Variants in FBXL13 observed in about 807,000 individuals in gnomAD.
FBXL13 encodes F-box and leucine rich repeat protein 13.
A neutral mutation model predicts 83.6 loss-of-function variants in FBXL13; 67 were observed. The ratio of observed to expected loss-of-function variants is 0.80; its 90% CI spans 0.66 to 0.98. The LOEUF (loss-of-function observed/expected upper bound fraction) is 0.98, where lower values mean the gene tolerates loss of function less well. FBXL13 is among the 50% of genes least tolerant of loss of function. The pLI is 0.00. For missense variants in FBXL13, 822 were observed against 866.5 expected (o/e 0.95, Z 0.64); for synonymous variants, 272 against 299.5 (o/e 0.91, Z 0.95).
chr7:102,888,302 G>C (rs959564664), intron 11 of FBXL13, among the ~76,000 whole-genome samples: 2 of 152,198 alleles, frequency 1.3e-5, no homozygotes, highest in Non-Finnish European at 2.9e-5. Context: ...ACTTTGGGAG[G>C]CCAAGGTGGG....
intron 6 of FBXL13, among the ~76,000 whole-genome samples, chr7:103,014,610 G>A (rs192651643): frequency 2.2e-3 from 338 of 152,190 alleles, no homozygotes; most frequent in African/African-American, 7.3e-3. Context: ...GAATATGGAT[G>A]CAAAAATCCT....
At chr7:103,073,714 A>C (rs1053430390) in intron 1 of FBXL13, among the ~76,000 whole-genome samples, 1 of 152,134 alleles carries the variant, frequency 6.6e-6, no homozygotes, top group African/African-American at 2.4e-5. Flanking sequence ...TAAAGGGTAC[A>C]TGTATTTAAC....
chr7:102,835,435 C>T (rs1801707675), intron 17 of FBXL13, among the ~76,000 whole-genome samples: 1 of 152,098 alleles, frequency 6.6e-6, no homozygotes, highest in South Asian at 2.1e-4. Flanking sequence ...CCTTGTACTG[C>T]CTGGAAATCT....
At chr7:102,833,394 C>G (rs1386304421) in intron 17 of FBXL13, among the ~76,000 whole-genome samples, 3 of 151,116 alleles carry the variant, frequency 2.0e-5, no homozygotes, top group African/African-American at 4.9e-5. Context: ...CATTTATTAC[C>G]TCTTAAATCT....
chr7:102,976,540 T>C (rs66712128), intron 6 of FBXL13, among the ~76,000 whole-genome samples: 30,062 of 152,070 alleles, frequency 0.2, 3,174 homozygotes, highest in African/African-American at 0.28. Context: ...CTTTCTTCTA[T>C]TCCAACCTCC....
intron 11 of FBXL13, among the ~76,000 whole-genome samples, chr7:102,889,899 C>T (rs1397895890): frequency 1.3e-5 from 2 of 150,868 alleles, no homozygotes; most frequent in African/African-American, 4.9e-5. Flanking sequence ...ATTTCCTGAA[C>T]AAGAGGGAAA....
At chr7:102,834,096 A>AGGAAGGAAG (rs1562926018) in intron 17 of FBXL13, among the ~76,000 whole-genome samples, 3 of 97,068 alleles carry the variant, frequency 3.1e-5, no homozygotes, top group African/African-American at 1.6e-4. Flanking sequence ...AAAAGAAAGA[A>AGGAAGGAAG]AGAAAGAAAG....
intron 8 of FBXL13, among the ~76,000 whole-genome samples, chr7:102,962,914 A>C (rs1039349752): frequency 2.0e-5 from 3 of 150,408 alleles, no homozygotes; most frequent in Admixed American, 1.3e-4. Flanking sequence ...GCACACCAGC[A>C]TGGCACATGT....
Position 102,946,331 on chromosome 7 carries a change from A to G in FBXL13, c.725-14398T>C, listed in dbSNP as rs1341133351. Among the ~76,000 whole-genome samples, 3 of 152,236 alleles carry G rather than the reference A, an allele frequency of 2.0e-5. No individual in the cohort carries two copies. The East Asian group carries it at 5.8e-4, about 29-fold the overall frequency. ...GGTAGAGGGTTTAGGTAACTTGGAC[A>G]AAGTCACACAGCTGGCAAGTGGCAG... On this transcript the variant is annotated intron_variant, in intron 8 of 19. Coordinates refer to ENST00000313221, the Ensembl canonical transcript of FBXL13.
At chr7:103,069,718 C>T (rs921018618) in intron 1 of FBXL13, among the ~76,000 whole-genome samples, 9 of 152,154 alleles carry the variant, frequency 5.9e-5, no homozygotes, top group Non-Finnish European at 1.3e-4. Context: ...CCTTTGCTGG[C>T]GAAAGAGTAT....
At chr7:103,068,594 G>A (rs1219755512) in intron 1 of FBXL13, among the ~76,000 whole-genome samples, 1 of 152,240 alleles carries the variant, frequency 6.6e-6, no homozygotes, top group Non-Finnish European at 1.5e-5. Context: ...AGCTGACAAT[G>A]CACAGCTGCT....
chr7:102,826,890 C>A (rs1378860314), intron 18 of FBXL13, among the ~76,000 whole-genome samples: 4 of 146,822 alleles, frequency 2.7e-5, no homozygotes, highest in Non-Finnish European at 6.0e-5. Flanking sequence ...AGGAAATTAT[C>A]TTCTTGCATA....
intron 12 of FBXL13, 32 bp downstream of exon 13, chr7:102,884,175 TATGGGAC>T (rs1173337514): frequency 2.2e-6 from 3 of 1,389,202 alleles, no homozygotes; most frequent in African/African-American, 1.4e-5. Context: ...ATATCTATCT[TATGGGAC>T]AGAAAAGTAA....
At chr7:102,986,724 C>T (rs1828997141) in intron 6 of FBXL13, among the ~76,000 whole-genome samples, 1 of 151,836 alleles carries the variant, frequency 6.6e-6, no homozygotes, top group South Asian at 2.1e-4. Context: ...GCAGATGGGC[C>T]GATTGTAAAG....
At chr7:102,974,704 A>T (rs763623090) in intron 6 of FBXL13, among the ~76,000 whole-genome samples, 5 of 151,524 alleles carry the variant, frequency 3.3e-5, no homozygotes, top group Non-Finnish European at 7.4e-5. Context: ...TCCCAACTCG[A>T]CATATTTTCC....
At chr7:102,855,692 G>A (rs1696809757) in intron 16 of FBXL13, among the ~76,000 whole-genome samples, 1 of 151,460 alleles carries the variant, frequency 6.6e-6, no homozygotes, top group Non-Finnish European at 1.5e-5. Context: ...TCCAGGGCTG[G>A]CTGGCAGGGA....
chr7:102,909,014 C>A (rs536246389), intron 11 of FBXL13, among the ~76,000 whole-genome samples: 81 of 152,308 alleles, frequency 5.3e-4, no homozygotes, highest in African/African-American at 1.9e-3. Flanking sequence ...CCAGGTGAGT[C>A]CTTAGGTGCC....
chr7:102,834,068 GGAAGGAAGGAAGGAAA>G (rs1331707919), intron 17 of FBXL13, among the ~76,000 whole-genome samples: 12 of 113,008 alleles, frequency 1.1e-4, no homozygotes, highest in Admixed American at 1.9e-4. Context: ...AAGGAAGGAA[GGAAGGAAGGAAGGAAA>G]GAAAAGAAAG....
chr7:103,024,562 C>G (rs1233443785), intron 6 of FBXL13, among the ~76,000 whole-genome samples: 1 of 145,152 alleles, frequency 6.9e-6, no homozygotes, highest in Non-Finnish European at 1.5e-5. Context: ...ATTCTGTCAC[C>G]AGAAGACTCC....
Sources: allele counts gnomAD v4.1 joint callset (sites outside exome capture counted in the v4.1 genomes callset), GRCh38; gene constraint gnomAD v4.1.1; transcripts MANE v1.5; gene names NCBI Gene and HGNC (gene_info 2026-07-23, HGNC 2026-07-21).